Variants in RAB3GAP2 observed in about 807,000 individuals in gnomAD.
RAB3GAP2 encodes rab3 GTPase-activating protein non-catalytic subunit.
A neutral mutation model predicts 185.3 loss-of-function variants in RAB3GAP2; 87 were observed. The observed-to-expected ratio is 0.47, with a 90% CI of 0.39 to 0.56. RAB3GAP2 has a LOEUF of 0.56. RAB3GAP2 is among the 20% of genes least tolerant of loss of function. RAB3GAP2 has a pLI of 0.00. For missense variants in RAB3GAP2, 1,492 were observed against 1,638.2 expected, an observed-to-expected ratio of 0.91 and a Z score of 1.54; for synonymous variants, 554 against 576.1, an observed-to-expected ratio of 0.96 and a Z score of 0.55.
In RAB3GAP2 at chr1:220,210,667, G is replaced by C. The variant is rs926663045; in HGVS notation, c.510+134C>G. 3 of 1,083,918 alleles carry C rather than the reference G, an allele frequency of 2.8e-6. No homozygotes were observed. In the South Asian group the frequency reaches 4.0e-5, roughly 14 times the overall value. 67.1% of individuals were successfully genotyped at this position (1,083,918 alleles called of 1,614,324 possible). On this transcript the variant is annotated intron_variant, in intron 6 of 34. Transcript: ENST00000358951. ...ACCAGAACTTGCCACGGCCTATCCC[G>C]GCCTCTACCCCCATAAAGAATCAAC...
intron 9 of RAB3GAP2, among the ~76,000 whole-genome samples, chr1:220,201,876 C>T (rs956518920): frequency 3.9e-5 from 6 of 152,032 alleles, no homozygotes; most frequent in Non-Finnish European, 8.8e-5. Context: ...CATTTTTTCA[C>T]ATAAGAATAA....
intron 1 of RAB3GAP2, among the ~76,000 whole-genome samples, chr1:220,248,786 G>T (rs1355574998): frequency 6.6e-6 from 1 of 152,154 alleles, no homozygotes; most frequent in African/African-American, 2.4e-5. Context: ...CCAGTGGGAG[G>T]TAATTGAATC....
chr1:220,235,677 A>G (rs1015872764), intron 1 of RAB3GAP2, among the ~76,000 whole-genome samples: 12 of 152,174 alleles, frequency 7.9e-5, no homozygotes, highest in Non-Finnish European at 1.3e-4. Flanking sequence ...AAAATAAACT[A>G]TAAAAAGTGT....
chr1:220,248,673 C>A (rs1327335570), intron 1 of RAB3GAP2, among the ~76,000 whole-genome samples: 6 of 151,556 alleles, frequency 4.0e-5, no homozygotes, highest in African/African-American at 1.2e-4. Context: ...AAGAATAACC[C>A]TAAGACTTTT....
At chr1:220,271,746 G>A (rs909413899) in intron 1 of RAB3GAP2, among the ~76,000 whole-genome samples, 1 of 152,056 alleles carries the variant, frequency 6.6e-6, no homozygotes, top group African/African-American at 2.4e-5. Flanking sequence ...GGTAGCAGAA[G>A]GCCACAGTCT....
At chr1:220,204,588 A>AT (rs149901247) in intron 8 of RAB3GAP2, among the ~76,000 whole-genome samples, 11,051 of 151,626 alleles carry the variant, frequency 0.073, 483 homozygotes, top group South Asian at 0.12. Flanking sequence ...ATTTTCACTG[A>AT]TTTTTTTTTA....
intron 21 of RAB3GAP2, among the ~76,000 whole-genome samples, chr1:220,178,305 GACA>G (rs1333671936): frequency 6.6e-6 from 1 of 152,142 alleles, no homozygotes; most frequent in Non-Finnish European, 1.5e-5. Context: ...TGATTTCTTA[GACA>G]CTAAAGGGAG....
chr1:220,156,998 G>A lies in RAB3GAP2; in HGVS notation c.3555+272C>T, dbSNP rs189714244. On this transcript the variant is annotated intron_variant, in intron 31 of 34. Coordinates refer to ENST00000358951, the MANE Select transcript of RAB3GAP2 (RefSeq NM_012414.4). ...GCCTCAAACTCTAGGGATTGGTCAGGCCTAGAGATATATAAGAGGGAGAAA... is the reference window on the plus strand; with the variant it reads ...GCCTCAAACTCTAGGGATTGGTCAGACCTAGAGATATATAAGAGGGAGAAA... Among the ~76,000 whole-genome samples, 9 of 152,176 alleles carry A rather than the reference G, an allele frequency of 5.9e-5. No homozygotes were observed. The East Asian group carries it at 1.7e-3, about 29-fold the overall frequency.
chr1:220,267,549 G>A, intron 1 of RAB3GAP2: 2 of 1,297,692 alleles, frequency 1.5e-6, no homozygotes, highest in South Asian at 1.2e-5. Flanking sequence ...GCCTCTTTTT[G>A]ATTCTTCATT....
rs920639926 is a variant in RAB3GAP2 at position 220,148,916 on chromosome 1, G to C, written c.*2335C>G. The stretch of plus-strand genomic sequence containing the variant: ...AGCATTATACAATATAATTTAATAA[G>C]ATACAAATGCATATTTAATGTTTGT... On this transcript the variant is annotated 3_prime_UTR_variant, in exon 35 of 35. Coordinates refer to ENST00000358951, the MANE Select transcript of RAB3GAP2 (RefSeq NM_012414.4). The C allele has an allele frequency of 6.6e-6, 1 of 152,056 alleles. No individual in the cohort carries two copies. Among genetic ancestry groups the C allele is most frequent in the African/African-American group, 2.4e-5 (1 of 41,406 alleles). 9.4% of individuals were successfully genotyped at this position (152,056 alleles called of 1,614,324 possible).
intron 1 of RAB3GAP2, among the ~76,000 whole-genome samples, chr1:220,253,161 G>T (rs1316047002): frequency 6.6e-6 from 1 of 152,188 alleles, no homozygotes. Flanking sequence ...TGACCAGACT[G>T]CTTCTTGGGG....
In RAB3GAP2 at chr1:220,255,844, G is replaced by C. The variant is rs78758852; in HGVS notation, c.115+16379C>G. Reference sequence around the variant, plus strand: ...AAAGAGATGGAGAGAACAGAACCAAGTTGGAAAACAGTTCAGGATATCATC... The same window carrying C: ...AAAGAGATGGAGAGAACAGAACCAACTTGGAAAACAGTTCAGGATATCATC... On this transcript the variant is annotated intron_variant, in intron 1 of 34. Coordinates refer to ENST00000358951, the MANE Select transcript of RAB3GAP2 (RefSeq NM_012414.4). Among the ~76,000 whole-genome samples the C allele has an allele frequency of 8.6e-3, 1,303 of 152,276 alleles. 17 individuals carry two copies. Among genetic ancestry groups the C allele is most frequent in the African/African-American group, 0.03 (1,251 of 41,542 alleles).
intron 24 of RAB3GAP2, among the ~76,000 whole-genome samples, chr1:220,168,516 G>A (rs551867700): frequency 1.3e-5 from 2 of 152,068 alleles, no homozygotes; most frequent in East Asian, 3.9e-4. Flanking sequence ...TCCTGTCTCA[G>A]GCTCCCAAGT....
intron 28 of RAB3GAP2, among the ~76,000 whole-genome samples, chr1:220,160,011 C>T (rs924305125): frequency 6.6e-6 from 1 of 151,288 alleles, no homozygotes; most frequent in Non-Finnish European, 1.5e-5. Context: ...AGTGAGACTC[C>T]ATCCCACTCC....
Position 220,175,509 on chromosome 1 carries a change from G to A in RAB3GAP2, c.2311-2767C>T, listed in dbSNP as rs147407900. 1.8e-3 allele frequency among the ~76,000 whole-genome samples: 268 copies of A among 152,268 alleles called. 5 individuals carry two copies. In the East Asian group the frequency reaches 0.043, roughly 24 times the overall value. ...TGGGATTACAGGCGTGAGCCACTGC[G>A]CCCGGCCGGAATACCAGATTTCTAA... On this transcript the variant is annotated intron_variant, in intron 21 of 34. Coordinates refer to ENST00000358951, the MANE Select transcript of RAB3GAP2 (RefSeq NM_012414.4).
intron 1 of RAB3GAP2, among the ~76,000 whole-genome samples, chr1:220,236,820 T>C (rs1207199228): frequency 2.0e-5 from 3 of 152,238 alleles, no homozygotes; most frequent in Non-Finnish European, 2.9e-5. Context: ...ATATCATTAG[T>C]ATTTTTTAAT....
At chr1:220,215,430 C>T (rs1659173354) in intron 2 of RAB3GAP2, among the ~76,000 whole-genome samples, 1 of 151,966 alleles carries the variant, frequency 6.6e-6, no homozygotes, top group African/African-American at 2.4e-5. Flanking sequence ...TCTCAATATG[C>T]TTTTAAACTA....
chr1:220,196,121 A>T, intron 10 of RAB3GAP2, 129 bp downstream of exon 10: 4 of 1,014,212 alleles, frequency 3.9e-6, no homozygotes, highest in Non-Finnish European at 6.0e-6. Context: ...GATTAATTTT[A>T]GTTTCAATTG....
intron 27 of RAB3GAP2, among the ~76,000 whole-genome samples, chr1:220,163,974 T>C (rs1658016078): frequency 6.6e-6 from 1 of 151,980 alleles, no homozygotes; most frequent in African/African-American, 2.4e-5. Flanking sequence ...CCAAGTCTCA[T>C]CATTTACTAA....
Sources: gnomAD v4.1 joint callset for allele counts (sites outside exome capture counted in the v4.1 genomes callset) on GRCh38, gnomAD v4.1.1 for gene constraint, MANE v1.5 for transcripts, NCBI Gene and HGNC (gene_info 2026-07-23, HGNC 2026-07-21) for gene names.